The following APIP variants were observed in gnomAD, a reference collection of about 807,000 sequenced individuals.
APIP encodes the protein methylthioribulose-1-phosphate dehydratase.
APIP carries 32 observed loss-of-function variants against 32.0 expected under a neutral mutation model. That is an observed-to-expected ratio of 1.00 (90% CI 0.76 to 1.34). The LOEUF (loss-of-function observed/expected upper bound fraction) is 1.34, where lower values mean the gene tolerates loss of function less well. APIP is among the 40% of genes most tolerant of loss of function. The pLI is 0.00. For synonymous variants in APIP, 92 were observed against 94.8 expected (o/e 0.97, Z 0.17); for missense variants, 247 against 298.6 (o/e 0.83, Z 1.27).
intron 1 of APIP, among the ~76,000 whole-genome samples, chr11:34,905,550 C>T (rs545042381): frequency 3.9e-4 from 60 of 152,298 alleles, no homozygotes; most frequent in Admixed American, 1.0e-3. Flanking sequence ...ACAGCAAATG[C>T]CTCTCTCTGC....
intron 1 of APIP, among the ~76,000 whole-genome samples, chr11:34,898,087 G>A (rs1334305644): frequency 2.0e-5 from 3 of 152,058 alleles, no homozygotes; most frequent in Non-Finnish European, 2.9e-5. Context: ...AAGGGCCCTG[G>A]TGTTCCTTCA....
chr11:34,908,842 A>C (rs934603761), intron 1 of APIP, among the ~76,000 whole-genome samples: 3 of 152,176 alleles, frequency 2.0e-5, no homozygotes, highest in African/African-American at 7.2e-5. Flanking sequence ...GTTATAAATT[A>C]GGTTCTGCAG....
chr11:34,900,857 T>C (rs1490039451), intron 1 of APIP, among the ~76,000 whole-genome samples: 3 of 152,048 alleles, frequency 2.0e-5, no homozygotes, highest in Non-Finnish European at 4.4e-5. Context: ...AACCTCTCAA[T>C]TACTCTAAAC....
rs768320956 is a variant in APIP at position 34,888,870 on chromosome 11, C to G, written c.208-1G>C. On this transcript the variant is annotated splice_acceptor_variant, in intron 3 of 6. Coordinates refer to ENST00000395787, the MANE Select transcript of APIP (RefSeq NM_015957.4). LOFTEE classifies it high-confidence loss of function. Reference sequence around the variant, plus strand: ...TATCACAAACAAACATGTCTTCAGGCTATTTATAGAGGGGAAAAAAAGAAA... The same window carrying G: ...TATCACAAACAAACATGTCTTCAGGGTATTTATAGAGGGGAAAAAAAGAAA... 1 of 1,463,230 alleles carries G rather than the reference C, an allele frequency of 6.8e-7. No homozygotes were observed. Among genetic ancestry groups the G allele is most frequent in the South Asian group, 1.5e-5 (1 of 66,192 alleles). The allele number at this position is 1,463,230 out of a possible 1,614,324, so 90.6% of individuals were successfully genotyped here. A position where few individuals can be genotyped will look rare whatever the true frequency, so the allele number is the denominator to read the frequency against.
intron 1 of APIP, among the ~76,000 whole-genome samples, chr11:34,912,948 TC>T (rs1375650677): frequency 1.3e-5 from 2 of 152,146 alleles, no homozygotes; most frequent in Non-Finnish European, 2.9e-5. Flanking sequence ...AACACACCCA[TC>T]ATAAACTGTT....
intron 1 of APIP, among the ~76,000 whole-genome samples, chr11:34,896,028 C>T (rs1565135796): frequency 6.6e-6 from 1 of 152,068 alleles, no homozygotes; most frequent in Non-Finnish European, 1.5e-5. Context: ...TAAAGTTTCA[C>T]AGGGGCCATA....
At chr11:34,894,073 A>G (rs2133910205) in intron 2 of APIP, among the ~76,000 whole-genome samples, 1 of 152,342 alleles carries the variant, frequency 6.6e-6, no homozygotes, top group South Asian at 2.1e-4. Context: ...ATGAGATTCT[A>G]TAATCTTAAT....
At chr11:34,916,162 C>T (rs1853681499) in intron 1 of APIP, 66 bp downstream of exon 1, 1 of 1,561,880 alleles carries the variant, frequency 6.4e-7, no homozygotes, top group Admixed American at 1.8e-5. Context: ...CGCCCAGCTC[C>T]AGCCGCCGGG....
intron 1 of APIP, among the ~76,000 whole-genome samples, chr11:34,911,332 T>C (rs973186980): frequency 2.0e-5 from 3 of 152,152 alleles, no homozygotes; most frequent in Non-Finnish European, 2.9e-5. Context: ...GACACTGTGA[T>C]AGTTAAGGTA....
At chr11:34,914,261 A>G (rs764210683) in intron 1 of APIP, among the ~76,000 whole-genome samples, 11 of 152,204 alleles carry the variant, frequency 7.2e-5, no homozygotes, top group Non-Finnish European at 1.2e-4. Context: ...TCCACTGTAC[A>G]GCATGTTCTA....
At chr11:34,885,238 T>C (rs1468513851) in intron 5 of APIP, among the ~76,000 whole-genome samples, 1 of 148,468 alleles carries the variant, frequency 6.7e-6, no homozygotes. Context: ...GTTATACATG[T>C]ATATATAACT....
intron 3 of APIP, among the ~76,000 whole-genome samples, chr11:34,889,414 G>GTTAATCTCAATA (rs1386415668): frequency 6.6e-6 from 1 of 151,684 alleles, no homozygotes; most frequent in East Asian, 1.9e-4. Flanking sequence ...ACTCAGAAAG[G>GTTAATCTCAATA]TTAATCTCAA....
chr11:34,915,075 T>G (rs1590719049), intron 1 of APIP, among the ~76,000 whole-genome samples: 2 of 141,144 alleles, frequency 1.4e-5, no homozygotes, highest in South Asian at 4.5e-4. Context: ...AAAAAAAACA[T>G]GCCTGTCCAC....
intron 1 of APIP, among the ~76,000 whole-genome samples, chr11:34,895,463 T>C (rs1853254053): frequency 6.6e-6 from 1 of 152,182 alleles, no homozygotes; most frequent in Non-Finnish European, 1.5e-5. Flanking sequence ...CTCCAGAAGA[T>C]TTATTTACAC....
chr11:34,892,004 G>T (rs1853193622), intron 2 of APIP, among the ~76,000 whole-genome samples: 2 of 152,074 alleles, frequency 1.3e-5, no homozygotes, highest in African/African-American at 4.8e-5. Flanking sequence ...GTACAAAATG[G>T]TCTGCTGGTA....
chr11:34,884,497 G>A (rs1332974375), intron 5 of APIP, among the ~76,000 whole-genome samples: 1 of 152,166 alleles, frequency 6.6e-6, no homozygotes, highest in Non-Finnish European at 1.5e-5. Context: ...AGCCAAGGCA[G>A]ATGGACTGTT....
intron 1 of APIP, chr11:34,915,931 A>C: frequency 2.0e-6 from 1 of 501,148 alleles, no homozygotes; most frequent in Non-Finnish European, 3.5e-6. Flanking sequence ...CTTCCTGATA[A>C]ATACCCGGTG....
chr11:34,890,287 C>T (rs1263125877), intron 3 of APIP, among the ~76,000 whole-genome samples: 1 of 152,066 alleles, frequency 6.6e-6, no homozygotes, highest in African/African-American at 2.4e-5. Context: ...TTCACTTTTG[C>T]CCCCTATAGG....
intron 1 of APIP, among the ~76,000 whole-genome samples, chr11:34,915,439 A>G (rs1268675385): frequency 6.6e-6 from 1 of 152,204 alleles, no homozygotes; most frequent in Non-Finnish European, 1.5e-5. Flanking sequence ...AAAGATATAG[A>G]TAGGAGGAAT....
Sources: gnomAD v4.1 joint callset for allele counts (sites outside exome capture counted in the v4.1 genomes callset) on GRCh38, gnomAD v4.1.1 for gene constraint, MANE v1.5 for transcripts, NCBI Gene and HGNC (gene_info 2026-07-23, HGNC 2026-07-21) for gene names.